Variants in CITED2 observed in about 807,000 individuals in gnomAD.
The protein encoded by CITED2 is Cbp/p300 interacting transactivator with ED-rich tail 2.
CITED2 carries 2 observed loss-of-function variants against 11.8 expected under a neutral mutation model. That is an observed-to-expected ratio of 0.17 (90% CI 0.07 to 0.54). The LOEUF is 0.54. CITED2 is among the 20% of genes least tolerant of loss of function. The pLI is 0.94. For missense variants in CITED2, 437 were observed against 390.2 expected (o/e 1.12, Z -1.01); for synonymous variants, 210 against 153.0 (o/e 1.37, Z -2.75).
At chr6:139,374,337 T>A (rs1778333300) in intron 1 of CITED2, 76 bp downstream of exon 1, 1 of 634,028 alleles carries the variant, frequency 1.6e-6, no homozygotes, top group Non-Finnish European at 2.5e-6. Flanking sequence ...CGCCTCACGC[T>A]CTTCCTCCGG....
chr6:139,373,749 T>C lies in CITED2; in HGVS notation c.196A>G (p.Thr66Ala). 1 of 1,610,672 alleles carries C rather than the reference T, an allele frequency of 6.2e-7. No individual in the cohort carries two copies. Among genetic ancestry groups the C allele is most frequent in the South Asian group, 1.1e-5 (1 of 91,042 alleles). ...IHYGAGNMNA[T>A]SGIRHAMGPG... ...CCCATCGCATGCCTGATGCCGCTCG[T>C]GGCATTCATGTTGCCCGCGCCGTAG... is the stretch of plus-strand genomic sequence containing the variant. The change falls in exon 2 of 2, where the codon ACG (threonine) becomes GCG (alanine). Residue 66 changes from threonine to alanine, a missense_variant. Coordinates refer to ENST00000367651, the MANE Select transcript of CITED2 (RefSeq NM_006079.5).
chr6:139,373,551 T>C lies in CITED2; in HGVS notation c.394A>G (p.Asn132Asp), dbSNP rs748613687. The C allele has an allele frequency of 1.2e-5, 19 of 1,613,924 alleles. No homozygotes were observed. Among genetic ancestry groups the C allele is most frequent in the Non-Finnish European group, 1.0e-5 (12 of 1,179,924 alleles). Residue 132 changes from asparagine to aspartate, a missense_variant, in exon 2 of 2, where the codon AAC becomes GAC. Coordinates refer to ENST00000367651, the MANE Select transcript of CITED2 (RefSeq NM_006079.5). Reference sequence around the variant, plus strand: ...GGGTGCAAATCCGGCATGTAGTGGTTGTGGGGGTAGGGGTGATGGTTGAAA... The same window carrying C: ...GGGTGCAAATCCGGCATGTAGTGGTCGTGGGGGTAGGGGTGATGGTTGAAA... ...QYFNHHPYPHNHYMPDLHPAA... is the reference protein window; with the variant it reads ...QYFNHHPYPHDHYMPDLHPAA...
At position 139,373,359 on chromosome 6, in the gene CITED2, TGCCGCCGCCGCTGTTGCTGCTGCCCGC is replaced by T. The variant is rs762724720; in HGVS notation, c.559_585del (p.Ala187_Gly195del). On this transcript the variant is annotated inframe_deletion, in exon 2 of 2. Transcript: ENST00000367651. Reference sequence around the variant, plus strand: ...GAGGCGGGCATGTTGCCGCTGCCGCTGCCGCCGCCGCTGTTGCTGCTGCCCGCGCCGCCGCCCGAGCTGCTGCCAGAG... The same window carrying T: ...GAGGCGGGCATGTTGCCGCTGCCGCTGCCGCCGCCCGAGCTGCTGCCAGAG... The T allele has an allele frequency of 5.7e-6, 9 of 1,591,120 alleles. No homozygotes were observed. Among genetic ancestry groups the T allele is most frequent in the Admixed American group, 3.4e-5 (2 of 58,272 alleles).
rs954112654 is a variant in CITED2 at position 139,374,291 on chromosome 6, C to G, written c.-9+122G>C. 128 of 930,516 alleles carry G rather than the reference C, an allele frequency of 1.4e-4. 1 individual carries two copies. The South Asian group carries it at 2.3e-3, about 17-fold the overall frequency. The allele number at this position is 930,516 out of a possible 1,614,324, so 57.6% of individuals were successfully genotyped here. A position where few individuals can be genotyped will look rare whatever the true frequency, so the allele number is the denominator to read the frequency against. ...CAGGCATTAAATCAGCCCTCCTCAT[C>G]CTGTTGTTGCACATCCTGTTGTTAT... On this transcript the variant is annotated intron_variant, in intron 1 of 1. Coordinates refer to ENST00000367651, the MANE Select transcript of CITED2 (RefSeq NM_006079.5).
In CITED2 at chr6:139,373,068, G is replaced by A. The variant is rs903638996; in HGVS notation, c.*64C>T. 10 of 1,448,652 alleles carry A rather than the reference G, an allele frequency of 6.9e-6. No homozygotes were observed. The highest frequency in any genetic ancestry group is 7.8e-6 in the Non-Finnish European group (8 of 1,030,096). 89.7% of individuals were successfully genotyped at this position (1,448,652 alleles called of 1,614,324 possible). On this transcript the variant is annotated 3_prime_UTR_variant, in exon 2 of 2. Transcript: ENST00000367651. ...AGTGAGATACTGTGTCTAAGGGAAT[G>A]TTTCTTTTAATTCACGCCGAAGAAG...
rs751312678 is a variant in CITED2, at chr6:139,374,485, A to G, written c.-81T>C. 84 of 280,818 alleles carry G rather than the reference A, an allele frequency of 3.0e-4. No individual in the cohort carries two copies. Among genetic ancestry groups the G allele is most frequent in the Admixed American group, 4.9e-4 (10 of 20,526 alleles). The allele number at this position is 280,818 out of a possible 1,614,324, so 17.4% of individuals were successfully genotyped here. A position where few individuals can be genotyped will look rare whatever the true frequency, so the allele number is the denominator to read the frequency against. ...GCGTCCAGGACCGGCTCAGCAGCAC[A>G]TAGAGGGGACCTTCCTGGCGTGCAA... On this transcript the variant is annotated 5_prime_UTR_variant, in exon 1 of 2. An upstream start codon of the reference 5' UTR is lost. Coordinates refer to ENST00000367651, the MANE Select transcript of CITED2 (RefSeq NM_006079.5).
At chr6:139,374,059 C>T (rs1175365077) in intron 1 of CITED2, 107 bp from the exon 2 acceptor site, 1 of 1,526,132 alleles carries the variant, frequency 6.6e-7, no homozygotes, top group Non-Finnish European at 8.8e-7. Context: ...GGGCGCACGT[C>T]GGCTGCGAAC....
rs1431776856 is a variant in CITED2 at position 139,371,819 on chromosome 6, T to C, written c.*1313A>G. 6.6e-6 allele frequency: 1 copy of C among 152,336 alleles called. No homozygotes were observed. The highest frequency in any genetic ancestry group is 1.5e-5 in the Non-Finnish European group (1 of 68,032). 9.4% of individuals were successfully genotyped at this position (152,336 alleles called of 1,614,324 possible). ...TCATCACTGGAGATAAAGGTAGATT[T>C]ATATTTAATGCCACCCATCAATCAA... On this transcript the variant is annotated 3_prime_UTR_variant, in exon 2 of 2. Coordinates refer to ENST00000367651, the MANE Select transcript of CITED2 (RefSeq NM_006079.5).
rs762321870 is a variant in CITED2, at chr6:139,373,905, G to A, written c.40C>T (p.Pro14Ser). ...HMMAMNHGRF[P>S]DGTNGLHHHP... Reference sequence around the variant, plus strand: ...TGGTGCAGCCCATTGGTGCCGTCGGGGAAGCGCCCGTGGTTCATGGCCATC... The same window carrying A: ...TGGTGCAGCCCATTGGTGCCGTCGGAGAAGCGCCCGTGGTTCATGGCCATC... Residue 14 changes from proline to serine, a missense_variant, in exon 2 of 2, where the codon CCC becomes TCC. Pro to Ser is a moderately conservative substitution (Grantham distance 74). Coordinates refer to ENST00000367651, the MANE Select transcript of CITED2 (RefSeq NM_006079.5). The A allele has an allele frequency of 1.9e-6, 3 of 1,600,100 alleles. No homozygotes were observed. Among genetic ancestry groups the A allele is most frequent in the South Asian group, 2.2e-5 (2 of 91,058 alleles).
rs1271037281 is a variant in CITED2 at position 139,373,763 on chromosome 6, C to T, written c.182G>A (p.Gly61Asp). The change falls in exon 2 of 2, where the codon GGC becomes GAC. Residue 61 changes from glycine (G) to aspartate (D), a missense_variant. Coordinates refer to ENST00000367651, the MANE Select transcript of CITED2 (RefSeq NM_006079.5). ...LMGEHIHYGA[G>D]NMNATSGIRH... ...GATGCCGCTCGTGGCATTCATGTTG[C>T]CCGCGCCGTAGTGTATGTGCTCGCC... The T allele has an allele frequency of 6.2e-7, 1 of 1,610,926 alleles. No homozygotes were observed. Among genetic ancestry groups the T allele is most frequent in the Non-Finnish European group, 8.5e-7 (1 of 1,179,960 alleles).
Position 139,372,831 on chromosome 6 carries a change from G to A in CITED2, c.*301C>T. The stretch of plus-strand genomic sequence containing the variant: ...GATTAATATCTAACAGTTGAGCACT[G>A]GAGAAAGTGAGGGAAAGGAGTAAAA... On this transcript the variant is annotated 3_prime_UTR_variant, in exon 2 of 2. Transcript: ENST00000367651. 1 of 436,674 alleles carries A rather than the reference G, an allele frequency of 2.3e-6. No individual in the cohort carries two copies. The highest frequency in any genetic ancestry group is 2.3e-5 in the South Asian group (1 of 43,852). The allele number at this position is 436,674 out of a possible 1,614,324, so 27.0% of individuals were successfully genotyped here. A position where few individuals can be genotyped will look rare whatever the true frequency, so the allele number is the denominator to read the frequency against.
rs779838911 is a variant in CITED2 at position 139,373,409 on chromosome 6, G to A, written c.536C>T (p.Ser179Phe). The A allele has an allele frequency of 2.6e-6, 4 of 1,550,994 alleles. No individual in the cohort carries two copies. The highest frequency in any genetic ancestry group is 3.5e-6 in the Non-Finnish European group (4 of 1,154,134). Reference sequence around the variant, plus strand: ...CGCGCCGCCGCCCGAGCTGCTGCCAGAGCCGCCGGGGGTGCTGCTGCCGCC... The same window carrying A: ...CGCGCCGCCGCCCGAGCTGCTGCCAAAGCCGCCGGGGGTGCTGCTGCCGCC... ...GSGGSSTPGG[S>F]GSSSGGGAGS... The change falls in exon 2 of 2, where the codon TCT (serine) becomes TTT (phenylalanine). Residue 179 changes from serine (S) to phenylalanine (F), a missense_variant. Coordinates refer to ENST00000367651, the MANE Select transcript of CITED2 (RefSeq NM_006079.5).
At chr6:139,374,317 TC>T in intron 1 of CITED2, 95 bp downstream of exon 1, 1 of 719,658 alleles carries the variant, frequency 1.4e-6, no homozygotes, top group Non-Finnish European at 2.1e-6. Context: ...CTGTTGTTAT[TC>T]CCCAGCTTCG....
rs777012452 is a variant in CITED2 at position 139,373,479 on chromosome 6, A to C, written c.466T>G (p.Cys156Gly). 1.6e-5 allele frequency: 25 copies of C among 1,604,460 alleles called. No homozygotes were observed. Among genetic ancestry groups the C allele is most frequent in the Non-Finnish European group, 2.1e-5 (25 of 1,174,508 alleles). The change falls in exon 2 of 2, where the codon TGC (cysteine) becomes GGC (glycine). Residue 156 changes from cysteine to glycine, a missense_variant. Coordinates refer to ENST00000367651, the MANE Select transcript of CITED2 (RefSeq NM_006079.5). ...CTGCCGCCGCTGTGCTTGGGGTTGC[A>C]ATCTCGGAAGTGCTGGTTTGTCCCG... The part of the protein sequence containing the change: ...MNGTNQHFRD[C>G]NPKHSGGSST...
intron 1 of CITED2, 30 bp from the exon 2 acceptor site, chr6:139,373,982 C>T (rs764183001): frequency 3.8e-6 from 6 of 1,579,188 alleles, no homozygotes; most frequent in Non-Finnish European, 5.1e-6. Flanking sequence ...ATAATGAGAC[C>T]CGCGCCACAC....
At chr6:139,374,380 A>G in intron 1 of CITED2, 33 bp downstream of exon 1, 1 of 501,868 alleles carries the variant, frequency 2.0e-6, no homozygotes, top group South Asian at 4.0e-5. Context: ...TGGGCTGGCA[A>G]GAGCCCCAGC....
rs1482312791 is a variant in CITED2, at chr6:139,373,491, G to A, written c.454C>T (p.His152Tyr). Residue 152 changes from histidine (H) to tyrosine (Y), a missense_variant, in exon 2 of 2, where the codon CAC becomes TAC. His to Tyr is a moderately conservative substitution (Grantham distance 83). Transcript: ENST00000367651. ...TGCTTGGGGTTGCAATCTCGGAAGT[G>A]CTGGTTTGTCCCGTTCATCTGGTGG... ...AGHQMNGTNQ[H>Y]FRDCNPKHSG... is the part of the protein sequence containing the mutation. 1 of 1,609,486 alleles carries A rather than the reference G, an allele frequency of 6.2e-7. No individual in the cohort carries two copies. The highest frequency in any genetic ancestry group is 1.1e-5 in the South Asian group (1 of 90,638).
intron 1 of CITED2, 178 bp from the exon 2 acceptor site, chr6:139,374,130 A>AC (rs1221317542): frequency 6.7e-7 from 1 of 1,483,088 alleles, no homozygotes; most frequent in Non-Finnish European, 9.0e-7. Flanking sequence ...CGGAAGAGCT[A>AC]CCACTCATAA....
chr6:139,373,962 A>G lies in CITED2; in HGVS notation c.-8-10T>C, dbSNP rs746586546. On this transcript the variant is annotated splice_polypyrimidine_tract_variant and intron_variant, in intron 1 of 1. Transcript: ENST00000367651. ...TCTGCCATTTCCAGTCCTGGAAGTG[A>G]AAAGGGCAGATAATGAGACCCGCGC... 2 of 1,595,260 alleles carry G rather than the reference A, an allele frequency of 1.3e-6. No homozygotes were observed. The highest frequency in any genetic ancestry group is 8.5e-7 in the Non-Finnish European group (1 of 1,178,504).
Sources: gnomAD v4.1 joint callset for allele counts on GRCh38, gnomAD v4.1.1 for gene constraint, MANE v1.5 for transcripts, NCBI Gene and HGNC (gene_info 2026-07-23, HGNC 2026-07-21) for gene names.